GMDS: variants seen among roughly 807,000 people sequenced by gnomAD.
The protein encoded by GMDS is GDP-mannose 4,6 dehydratase.
Under a neutral mutation model 49.9 loss-of-function variants are expected in GMDS, and 20 were observed. The ratio of observed to expected loss-of-function variants is 0.40; its 90% CI spans 0.28 to 0.58. GMDS has a LOEUF of 0.58. Among genes scored for constraint, GMDS ranks in the 20% least tolerant of loss-of-function variants. GMDS has a pLI of 0.42. For synonymous variants in GMDS, 177 were observed against 178.6 expected, an observed-to-expected ratio of 0.99 and a Z score of 0.07; for missense variants, 362 against 481.4, an observed-to-expected ratio of 0.75 and a Z score of 2.32.
intron 4 of GMDS, among the ~76,000 whole-genome samples, chr6:2,007,131 A>G (rs1767238884): frequency 6.6e-6 from 1 of 152,194 alleles, no homozygotes; most frequent in Non-Finnish European, 1.5e-5. Context: ...TTGTACAAAG[A>G]TCTCATCCTT....
intron 9 of GMDS, chr6:1,717,565 G>A (rs1460423384): frequency 1.3e-5 from 2 of 152,146 alleles, no homozygotes; most frequent in African/African-American, 2.4e-5. Flanking sequence ...CTTCCACCAC[G>A]ATCATCCTTT....
At chr6:1,719,885 A>G (rs1270112843) in intron 9 of GMDS, among the ~76,000 whole-genome samples, 1 of 152,234 alleles carries the variant, frequency 6.6e-6, no homozygotes, top group East Asian at 1.9e-4. Flanking sequence ...TATTTTGTAG[A>G]CGTCAATAAG....
At chr6:1,890,475 C>A (rs1581313033) in intron 7 of GMDS, among the ~76,000 whole-genome samples, 1 of 152,002 alleles carries the variant, frequency 6.6e-6, no homozygotes, top group South Asian at 2.1e-4. Context: ...TGGATACTGG[C>A]CCCTTATCAG....
At chr6:2,028,271 A>T (rs1768727215) in intron 4 of GMDS, among the ~76,000 whole-genome samples, 1 of 152,220 alleles carries the variant, frequency 6.6e-6, no homozygotes, top group Non-Finnish European at 1.5e-5. Flanking sequence ...AGAAGCACAG[A>T]CAAGTTCACT....
At chr6:1,885,251 T>C (rs1296327164) in intron 7 of GMDS, among the ~76,000 whole-genome samples, 1 of 152,338 alleles carries the variant, frequency 6.6e-6, no homozygotes, top group East Asian at 1.9e-4. Flanking sequence ...ATTTACAGCC[T>C]AGTTATCTCC....
At chr6:1,809,902 A>G (rs1770342919) in intron 7 of GMDS, among the ~76,000 whole-genome samples, 2 of 152,158 alleles carry the variant, frequency 1.3e-5, no homozygotes, top group Non-Finnish European at 2.9e-5. Flanking sequence ...AATATATTTT[A>G]TATTTATAGT....
chr6:1,691,045 A>G (rs1347979289), intron 9 of GMDS, among the ~76,000 whole-genome samples: 1 of 152,236 alleles, frequency 6.6e-6, no homozygotes, highest in Non-Finnish European at 1.5e-5. Flanking sequence ...TTCTATTATA[A>G]AAATATATGC....
chr6:2,028,485 T>G (rs890029224), intron 4 of GMDS, among the ~76,000 whole-genome samples: 1 of 152,194 alleles, frequency 6.6e-6, no homozygotes, highest in Non-Finnish European at 1.5e-5. Flanking sequence ...GGACACCCCA[T>G]GTAATTCTGA....
At chr6:1,669,917 C>CAAAAAAAAAAAA (rs66490758) in intron 9 of GMDS, among the ~76,000 whole-genome samples, 1 of 45,222 alleles carries the variant, frequency 2.2e-5, no homozygotes, top group African/African-American at 9.6e-5. Flanking sequence ...GACTCCATCT[C>CAAAAAAAAAAAA]AAAAAAAAAA....
chr6:1,629,549 G>A (rs1415378745), intron 9 of GMDS, among the ~76,000 whole-genome samples: 1 of 152,158 alleles, frequency 6.6e-6, no homozygotes, highest in Non-Finnish European at 1.5e-5. Context: ...GGCAGAGGGA[G>A]GAGCAGGCCC....
At chr6:1,691,087 T>G (rs1328962459) in intron 9 of GMDS, among the ~76,000 whole-genome samples, 1 of 152,202 alleles carries the variant, frequency 6.6e-6, no homozygotes, top group Non-Finnish European at 1.5e-5. Flanking sequence ...CTAGTCACAA[T>G]AGCAAAGACA....
intron 1 of GMDS, among the ~76,000 whole-genome samples, chr6:2,202,053 G>C (rs1425412520): frequency 6.9e-6 from 1 of 143,978 alleles, no homozygotes; most frequent in Admixed American, 7.0e-5. Flanking sequence ...AGTGAGGGCA[G>C]CGCGTTAGCA....
rs185735846 is a variant in GMDS, at chr6:1,729,419, G to C, written c.891-2907C>G. On this transcript the variant is annotated intron_variant, in intron 8 of 10. Coordinates refer to ENST00000380815, the MANE Select transcript of GMDS (RefSeq NM_001500.4). The stretch of plus-strand genomic sequence containing the variant: ...AGTCAAAACAGTCTCTAAGGGCATG[G>C]CATTGCCCTCTACAATTAATATAGC... Among the ~76,000 whole-genome samples the C allele has an allele frequency of 2.9e-3, 442 of 152,334 alleles. 3 individuals are homozygous for C. Among genetic ancestry groups the C allele is most frequent in the African/African-American group, 0.01 (432 of 41,580 alleles).
intron 7 of GMDS, among the ~76,000 whole-genome samples, chr6:1,920,478 T>C (rs1184715771): frequency 6.6e-6 from 1 of 152,072 alleles, no homozygotes; most frequent in African/African-American, 2.4e-5. Context: ...AGAGATAGAG[T>C]GATTAACGTA....
At chr6:1,997,155 G>C (rs145899372) in intron 4 of GMDS, among the ~76,000 whole-genome samples, 1 of 152,140 alleles carries the variant, frequency 6.6e-6, no homozygotes, top group African/African-American at 2.4e-5. Flanking sequence ...AGTTGGTTCT[G>C]ATAACTGCTT....
At chr6:2,238,603 C>T (rs938657471) in intron 1 of GMDS, among the ~76,000 whole-genome samples, 2 of 152,174 alleles carry the variant, frequency 1.3e-5, no homozygotes, top group Non-Finnish European at 2.9e-5. Context: ...TAAATAAGAA[C>T]TATCACTTCA....
At chr6:2,140,426 T>C (rs1776228955) in intron 1 of GMDS, among the ~76,000 whole-genome samples, 1 of 152,190 alleles carries the variant, frequency 6.6e-6, no homozygotes, top group African/African-American at 2.4e-5. Flanking sequence ...CATCCAGAAC[T>C]GTGAGAAGAC....
chr6:1,910,767 A>G (rs767115510), intron 7 of GMDS, among the ~76,000 whole-genome samples: 44 of 152,336 alleles, frequency 2.9e-4, no homozygotes, highest in Middle Eastern at 3.4e-3. Context: ...TATTCCATCT[A>G]GAGATAAATT....
chr6:1,888,453 T>A (rs1759719019), intron 7 of GMDS, among the ~76,000 whole-genome samples: 2 of 152,032 alleles, frequency 1.3e-5, no homozygotes, highest in Admixed American at 1.3e-4. Flanking sequence ...TCACTCACTA[T>A]CGAAAGAACA....
Sources: gnomAD v4.1 joint callset for allele counts (sites outside exome capture counted in the v4.1 genomes callset) on GRCh38, gnomAD v4.1.1 for gene constraint, MANE v1.5 for transcripts, NCBI Gene and HGNC (gene_info 2026-07-23, HGNC 2026-07-21) for gene names.